The following CHDH variants were observed in gnomAD, a reference collection of about 807,000 sequenced individuals.
CHDH encodes the protein choline dehydrogenase.
A neutral mutation model predicts 56.9 loss-of-function variants in CHDH; 43 were observed. The observed-to-expected ratio is 0.76, with a 90% CI of 0.59 to 0.97. CHDH has a LOEUF of 0.97. Ranked by LOEUF, CHDH falls within the 50% of genes least tolerant of loss-of-function variation. The probability of loss-of-function intolerance (pLI) is 0.00; values close to 1 mark genes in which losing one functional copy is unlikely to be tolerated. For synonymous variants in CHDH, 364 were observed against 348.5 expected (o/e 1.04, Z -0.50); for missense variants, 816 against 821.1 (o/e 0.99, Z 0.08).
chr3:53,823,926 C>T lies in CHDH; in HGVS notation c.83G>A (p.Arg28Gln), dbSNP rs1242814157. The T allele has an allele frequency of 1.9e-6, 3 of 1,545,870 alleles. No individual in the cohort carries two copies. The highest frequency in any genetic ancestry group is 2.6e-6 in the Non-Finnish European group (3 of 1,153,824). Residue 28 changes from arginine (R) to glutamine (Q), a missense_variant, in exon 3 of 9, where the codon CGG becomes CAG. Arg to Gln is a conservative substitution (Grantham distance 43). Transcript: ENST00000315251. ...ALGQQQSLGA[R>Q]ALASAGSESR... ...CTCAGAGCCTGCGCTGGCCAGGGCC[C>T]GGGCACCCAGGGATTGCTGCTGCCC... is the stretch of plus-strand genomic sequence containing the variant.
intron 2 of CHDH, among the ~76,000 whole-genome samples, chr3:53,828,083 C>G (rs573372755): frequency 7.2e-5 from 11 of 151,776 alleles, no homozygotes; most frequent in African/African-American, 2.7e-4. Context: ...TAAATGTAGC[C>G]AACTGATCTT....
At chr3:53,828,473 C>A (rs1275943880) in intron 2 of CHDH, among the ~76,000 whole-genome samples, 4 of 152,106 alleles carry the variant, frequency 2.6e-5, no homozygotes, top group African/African-American at 7.2e-5. Flanking sequence ...AAGTCACAGA[C>A]GAGAAGTAAA....
At chr3:53,836,155 T>A (rs1459560930) in intron 2 of CHDH, among the ~76,000 whole-genome samples, 1 of 152,112 alleles carries the variant, frequency 6.6e-6, no homozygotes, top group African/African-American at 2.4e-5. Flanking sequence ...AGGATCCCAG[T>A]TTGAGAATGA....
Position 53,819,567 on chromosome 3 carries a change from G to A in CHDH, c.1228C>T (p.His410Tyr). ...TCCTGCTGGGTGGGGACCCGCCCGT[G>A]GTCAATCACTTGGGATGGCAGGAAA... Reference protein sequence around the residue: ...FHFLPSQVIDHGRVPTQQEAY... With the variant: ...FHFLPSQVIDYGRVPTQQEAY... The change falls in exon 7 of 9, where the codon CAC (histidine) becomes TAC (tyrosine). Residue 410 changes from histidine (H) to tyrosine (Y), a missense_variant. His to Tyr is a moderately conservative substitution (Grantham distance 83). Coordinates refer to ENST00000315251, the MANE Select transcript of CHDH (RefSeq NM_018397.5). This position sits in a 1 kb window ranked among gnomAD's most constrained non-coding sequence, Gnocchi z 5.4. 2 of 1,612,750 alleles carry A rather than the reference G, an allele frequency of 1.2e-6. No individual in the cohort carries two copies. Among genetic ancestry groups the A allele is most frequent in the Non-Finnish European group, 1.7e-6 (2 of 1,179,308 alleles).
intron 4 of CHDH, among the ~76,000 whole-genome samples, chr3:53,821,988 G>C (rs952186227): frequency 5.9e-5 from 9 of 152,150 alleles, no homozygotes. Flanking sequence ...CTGGACAGTA[G>C]TGACAGCCTT....
In CHDH at chr3:53,840,266, A is replaced by T. The variant is rs574180122; in HGVS notation, c.-60+663T>A. ...TATTTAAGGGTGGCTCACACCTGTA[A>T]TCTCAGCACCTTGGGAGGCAGAGGT... is the stretch of plus-strand genomic sequence containing the variant. On this transcript the variant is annotated intron_variant, in intron 2 of 8. Transcript: ENST00000315251. Among the ~76,000 whole-genome samples, 8 of 152,332 alleles carry T rather than the reference A, an allele frequency of 5.3e-5. No homozygotes were observed. In the South Asian group the frequency reaches 8.3e-4, roughly 16 times the overall value.
At chr3:53,822,379 G>A in intron 4 of CHDH, 112 bp downstream of exon 4, 3 of 1,016,080 alleles carry the variant, frequency 3.0e-6, no homozygotes, top group Admixed American at 2.2e-5. Flanking sequence ...GCCATCACAG[G>A]GATGAGCACG....
chr3:53,816,793 T>A lies in CHDH; in HGVS notation c.*984A>T, dbSNP rs2095616600. On this transcript the variant is annotated 3_prime_UTR_variant, in exon 9 of 9. Transcript: ENST00000315251. ...CTTTGGTAGTGAAGCCAAGCGGCAT[T>A]CCCTCCAGACTCCTCTCCCCTTGAA... is the stretch of plus-strand genomic sequence containing the variant. 6.6e-6 allele frequency: 1 copy of A among 151,666 alleles called. No homozygotes were observed. The highest frequency in any genetic ancestry group is 2.4e-5 in the African/African-American group (1 of 41,226). 9.4% of individuals were successfully genotyped at this position (151,666 alleles called of 1,614,324 possible). A position where few individuals can be genotyped will look rare whatever the true frequency, so the allele number is the denominator to read the frequency against.
intron 1 of CHDH, among the ~76,000 whole-genome samples, chr3:53,842,136 A>G (rs1698688507): frequency 6.6e-6 from 1 of 151,650 alleles, no homozygotes; most frequent in Admixed American, 6.6e-5. Context: ...AAAAAAAAAA[A>G]GAAAAAAGAA....
At chr3:53,818,366 G>A (rs910082762) in intron 8 of CHDH, among the ~76,000 whole-genome samples, 171 bp from the exon 9 acceptor site, 9 of 152,196 alleles carry the variant, frequency 5.9e-5, no homozygotes, top group East Asian at 1.9e-4. Context: ...TGCCCACAGC[G>A]GGTTAGACTG....
In CHDH at chr3:53,814,178, C is replaced by T. The variant is rs2095611684; in HGVS notation, c.*3599G>A. 3 of 152,236 alleles carry T rather than the reference C, an allele frequency of 2.0e-5. No homozygotes were observed. In the South Asian group the frequency reaches 6.2e-4, roughly 32 times the overall value. The allele number at this position is 152,236 out of a possible 1,614,324, so 9.4% of individuals were successfully genotyped here. ...CCTGCTGACCCTGCTATGAGAAAAA[C>T]TGGAGCAGTTTCACCTTGTGTACTT... On this transcript the variant is annotated 3_prime_UTR_variant, in exon 9 of 9. Coordinates refer to ENST00000315251, the MANE Select transcript of CHDH (RefSeq NM_018397.5).
Position 53,817,911 on chromosome 3 carries a change from T to C in CHDH, c.1651A>G (p.Met551Val), listed in dbSNP as rs1239109245. Residue 551 changes from methionine to valine, a missense_variant, in exon 9 of 9, where the codon ATG becomes GTG. Coordinates refer to ENST00000315251, the MANE Select transcript of CHDH (RefSeq NM_018397.5). ...GGGGCGTTCAGGTTGCCGCTGACCATGCTAGGCATGATGGAGGCATCGACG... is the reference window on the plus strand; with the variant it reads ...GGGGCGTTCAGGTTGCCGCTGACCACGCTAGGCATGATGGAGGCATCGACG... ...RVVDASIMPS[M>V]VSGNLNAPTI... 5 of 1,614,218 alleles carry C rather than the reference T, an allele frequency of 3.1e-6. No individual in the cohort carries two copies. The highest frequency in any genetic ancestry group is 4.2e-6 in the Non-Finnish European group (5 of 1,180,040).
At chr3:53,820,926 G>C (rs976622398) in intron 5 of CHDH, among the ~76,000 whole-genome samples, 5 of 152,256 alleles carry the variant, frequency 3.3e-5, no homozygotes, top group African/African-American at 7.2e-5. Flanking sequence ...AGCAGGCACT[G>C]CTTGGTGAGC....
At chr3:53,832,615 T>G (rs1228266910) in intron 2 of CHDH, among the ~76,000 whole-genome samples, 1 of 152,150 alleles carries the variant, frequency 6.6e-6, no homozygotes, top group African/African-American at 2.4e-5. Flanking sequence ...TTATTCAGCC[T>G]TAGAAAGGAA....
chr3:53,825,373 A>G (rs888302883), intron 2 of CHDH, among the ~76,000 whole-genome samples: 2 of 152,220 alleles, frequency 1.3e-5, no homozygotes, highest in Non-Finnish European at 2.9e-5. Context: ...TGAGCATTAT[A>G]AAAGATATAG....
intron 2 of CHDH, among the ~76,000 whole-genome samples, chr3:53,837,499 G>T (rs148510098): frequency 3.8e-4 from 58 of 152,364 alleles, no homozygotes; most frequent in African/African-American, 1.3e-3. Context: ...GCTCTGCCAG[G>T]CCGCACCGTG....
Position 53,819,642 on chromosome 3 carries a change from C to T in CHDH, c.1153G>A (p.Gly385Arg), listed in dbSNP as rs1182265129. The change falls in exon 7 of 9, where the codon GGG (glycine) becomes AGG (arginine). Residue 385 changes from glycine to arginine, a missense_variant. Gly to Arg is a moderately radical substitution (Grantham distance 125). Transcript: ENST00000315251. The surrounding 1 kb of genome is among the most constrained non-coding windows in gnomAD (Gnocchi z 5.4). Reference protein sequence around the residue: ...EGATAHLETGGFIRSQPGVPH... With the variant: ...EGATAHLETGRFIRSQPGVPH... ...ACCCCAGGCTGGCTGCGGATGAACC[C>T]ACCTGTTTCCAGATGGGCAGTGGCT... The T allele has an allele frequency of 6.2e-7, 1 of 1,609,766 alleles. No homozygotes were observed. The highest frequency in any genetic ancestry group is 8.5e-7 in the Non-Finnish European group (1 of 1,177,776).
rs28385732 is a variant in CHDH at position 53,845,124 on chromosome 3, G to A, written c.-131+959C>T. On this transcript the variant is annotated intron_variant, in intron 1 of 8. Coordinates refer to ENST00000315251, the MANE Select transcript of CHDH (RefSeq NM_018397.5). ...TCAGAGAGGTGGAATGAGGGGCTCA[G>A]GGTGGCCCAGTCCCAGGCAGGGGTG... Among the ~76,000 whole-genome samples the A allele has an allele frequency of 6.0e-3, 910 of 152,356 alleles. 24 individuals carry two copies. The East Asian group carries it at 0.097, about 16-fold the overall frequency.
At chr3:53,828,162 G>GACACACACACACACACACACAC (rs60594351) in intron 2 of CHDH, among the ~76,000 whole-genome samples, 5 of 145,146 alleles carry the variant, frequency 3.4e-5, no homozygotes, top group Admixed American at 6.9e-5. Context: ...GGAATAACTA[G>GACACACACACACACACACACAC]ACACACACAC....
Sources: allele counts gnomAD v4.1 joint callset (sites outside exome capture counted in the v4.1 genomes callset), GRCh38; gene constraint gnomAD v4.1.1; non-coding constraint Gnocchi (gnomAD v3.1); transcripts MANE v1.5; gene names NCBI Gene and HGNC (gene_info 2026-07-23, HGNC 2026-07-21).